The following LOXHD1 variants were observed in gnomAD, a reference collection of about 807,000 sequenced individuals.
The protein encoded by LOXHD1 is lipoxygenase homology PLAT domains 1.
A neutral mutation model predicts 248.2 loss-of-function variants in LOXHD1; 205 were observed. The ratio of observed to expected loss-of-function variants is 0.83; its 90% CI spans 0.74 to 0.93. LOXHD1 has a LOEUF of 0.93. LOXHD1 is among the 40% of genes least tolerant of loss of function. The probability of loss-of-function intolerance (pLI) is 0.00; values close to 1 mark genes in which losing one functional copy is unlikely to be tolerated. For missense variants in LOXHD1, 2,930 were observed against 2,971.6 expected (o/e 0.99, Z 0.33); for synonymous variants, 1,113 against 1,162.8 (o/e 0.96, Z 0.87).
chr18:46,498,135 C>T (rs2143772724), intron 37 of LOXHD1, among the ~76,000 whole-genome samples: 1 of 152,282 alleles, frequency 6.6e-6, no homozygotes, highest in South Asian at 2.1e-4. Context: ...AAGTTAGGAG[C>T]AAGGCCTTTG....
At chr18:46,636,574 T>G (rs1246563491) in intron 4 of LOXHD1, among the ~76,000 whole-genome samples, 1 of 152,182 alleles carries the variant, frequency 6.6e-6, no homozygotes, top group Non-Finnish European at 1.5e-5. Context: ...CAGCCAGAAC[T>G]TTGGGAACTG....
intron 35 of LOXHD1, among the ~76,000 whole-genome samples, chr18:46,508,988 G>C (rs1468219355): frequency 6.6e-6 from 1 of 152,196 alleles, no homozygotes; most frequent in South Asian, 2.1e-4. Flanking sequence ...GTGAGGAAGT[G>C]ATGAGAGGTC....
At chr18:46,478,692 T>G (rs2032259116) in intron 40 of LOXHD1, among the ~76,000 whole-genome samples, 1 of 152,156 alleles carries the variant, frequency 6.6e-6, no homozygotes, top group African/African-American at 2.4e-5. Context: ...TTATGTATTT[T>G]TAATTTTTAT....
At chr18:46,477,116 C>T (rs2032066385), downstream of LOXHD1, 3 of 714,246 alleles carry the variant, frequency 4.2e-6, no homozygotes, top group Non-Finnish European at 7.8e-6. Flanking sequence ...TTAGTTTTTG[C>T]TTAAAATACA....
chr18:46,584,601 C>T (rs936882831), intron 12 of LOXHD1, among the ~76,000 whole-genome samples: 4 of 151,784 alleles, frequency 2.6e-5, no homozygotes, highest in Non-Finnish European at 5.9e-5. Context: ...GAAAGAAAAG[C>T]CTATGCCCAG....
At chr18:46,609,262 A>G (rs911926720) in intron 6 of LOXHD1, among the ~76,000 whole-genome samples, 1 of 152,180 alleles carries the variant, frequency 6.6e-6, no homozygotes, top group Non-Finnish European at 1.5e-5. Context: ...GGTGCATCAG[A>G]AAGCAGCTGC....
chr18:46,557,833 A>C (rs1419969424), intron 20 of LOXHD1: 2 of 1,296,986 alleles, frequency 1.5e-6, no homozygotes, highest in Non-Finnish European at 2.0e-6. Context: ...AGGGGGGTGC[A>C]CTGAAACCCT....
chr18:46,638,854 G>A (rs1056546304), intron 4 of LOXHD1, among the ~76,000 whole-genome samples: 3 of 152,142 alleles, frequency 2.0e-5, no homozygotes, highest in Non-Finnish European at 2.9e-5. Flanking sequence ...TTAGCCTTCT[G>A]TTGTTCAACT....
chr18:46,533,783 G>A lies in LOXHD1; in HGVS notation c.4213-459C>T, dbSNP rs117532368. The A allele has an allele frequency of 1.3e-4, 37 of 277,584 alleles. No homozygotes were observed. The East Asian group carries it at 2.5e-3, about 18-fold the overall frequency. The allele number at this position is 277,584 out of a possible 1,614,324, so 17.2% of individuals were successfully genotyped here. ...TACTAACAAAATATAAAAATTAGTC[G>A]GGCGTGGTGGCGTGCGCCTGTAGTC... On this transcript the variant is annotated intron_variant, in intron 27 of 40. Coordinates refer to ENST00000642948, the MANE Select transcript of LOXHD1 (RefSeq NM_001384474.1).
At chr18:46,529,074 C>T in intron 29 of LOXHD1, 103 bp downstream of exon 29, 1 of 1,389,526 alleles carries the variant, frequency 7.2e-7, no homozygotes, top group South Asian at 1.4e-5. Flanking sequence ...GCACAATGCC[C>T]CATGGAGTTC....
At chr18:46,537,565 G>T (rs2036366949) in intron 26 of LOXHD1, among the ~76,000 whole-genome samples, 1 of 152,044 alleles carries the variant, frequency 6.6e-6, no homozygotes. Context: ...GAGCACACAG[G>T]GCAGGCACAG....
chr18:46,626,520 A>G (rs1298150030), intron 4 of LOXHD1, among the ~76,000 whole-genome samples: 2 of 152,244 alleles, frequency 1.3e-5, no homozygotes, highest in African/African-American at 4.8e-5. Context: ...CCTGGGCAAC[A>G]GAGTGAGATG....
chr18:46,611,406 A>G (rs2038506558), intron 5 of LOXHD1, among the ~76,000 whole-genome samples: 1 of 152,178 alleles, frequency 6.6e-6, no homozygotes, highest in Admixed American at 6.5e-5. Context: ...TTTATTCCTC[A>G]CCACAATTCA....
At chr18:46,594,580 A>G (rs1222053459) in intron 8 of LOXHD1, 114 bp from the exon 9 acceptor site, 1 of 1,259,320 alleles carries the variant, frequency 7.9e-7, no homozygotes, top group Non-Finnish European at 1.1e-6. Context: ...AGGACTCTCA[A>G]GGAATGGCAC....
intron 4 of LOXHD1, among the ~76,000 whole-genome samples, chr18:46,636,830 T>C (rs2038898792): frequency 6.6e-6 from 1 of 152,204 alleles, no homozygotes; most frequent in Non-Finnish European, 1.5e-5. Context: ...AATTTAACTT[T>C]TTCTTTACCA....
chr18:46,553,963 G>T (rs1014842149), intron 21 of LOXHD1, among the ~76,000 whole-genome samples: 1 of 152,180 alleles, frequency 6.6e-6, no homozygotes, highest in Non-Finnish European at 1.5e-5. Context: ...GAGCAAGGGG[G>T]AATCAGAATA....
At chr18:46,534,591 C>T in intron 26 of LOXHD1, 140 bp from the exon 27 acceptor site, 1 of 683,282 alleles carries the variant, frequency 1.5e-6, no homozygotes, top group Non-Finnish European at 2.6e-6. Flanking sequence ...TCCAGCCAGG[C>T]CAGCTCCCAT....
At chr18:46,544,278 C>T (rs1020870499) in intron 23 of LOXHD1, among the ~76,000 whole-genome samples, 1 of 152,062 alleles carries the variant, frequency 6.6e-6, no homozygotes, top group African/African-American at 2.4e-5. Flanking sequence ...TTCCAAATGT[C>T]AAAAAAGGAC....
chr18:46,520,426 G>C, intron 33 of LOXHD1: 1 of 393,896 alleles, frequency 2.5e-6, no homozygotes, highest in Non-Finnish European at 5.1e-6. Context: ...AGGGTCAGGT[G>C]AAACAGAGGC....
Sources: allele counts gnomAD v4.1 joint callset (sites outside exome capture counted in the v4.1 genomes callset), GRCh38; gene constraint gnomAD v4.1.1; transcripts MANE v1.5; gene names NCBI Gene and HGNC (gene_info 2026-07-23, HGNC 2026-07-21).